MORN1: variants seen among roughly 807,000 people sequenced by gnomAD.
MORN1 encodes MORN repeat containing 1.
In MORN1, 67 loss-of-function variants were observed where a neutral mutation model predicts 61.9. That is an observed-to-expected ratio of 1.08 (90% CI 0.89 to 1.33). The LOEUF (loss-of-function observed/expected upper bound fraction) is 1.33. MORN1 is among the 40% of genes most tolerant of loss of function. The pLI is 0.00. For missense variants in MORN1, 752 were observed against 691.2 expected (o/e 1.09, Z -0.99); for synonymous variants, 301 against 292.0 (o/e 1.03, Z -0.31).
intron 10 of MORN1, among the ~76,000 whole-genome samples, chr1:2,339,172 G>C (rs559173323): frequency 1.6e-4 from 24 of 152,300 alleles, no homozygotes; most frequent in Admixed American, 7.8e-4. Context: ...AAAGCGGAAG[G>C]GGAGGGTCGT....
At chr1:2,329,945 C>T (rs1008251950) in intron 12 of MORN1, among the ~76,000 whole-genome samples, 6 of 152,162 alleles carry the variant, frequency 3.9e-5, no homozygotes, top group African/African-American at 9.7e-5. Context: ...CGGAGACCAG[C>T]GTGCCCAGGA....
At chr1:2,380,710 A>G (rs1427473913) in intron 6 of MORN1, among the ~76,000 whole-genome samples, 2 of 151,890 alleles carry the variant, frequency 1.3e-5, no homozygotes, top group Admixed American at 1.3e-4. Context: ...ATGCTTAGCT[A>G]ATTTTGTATT....
At chr1:2,390,643 A>G (rs1286796924) in intron 1 of MORN1, 1 of 985,412 alleles carries the variant, frequency 1.0e-6, no homozygotes, top group Non-Finnish European at 1.2e-6. Context: ...AGGCTACTGT[A>G]TCTGTCCCAA....
In MORN1 at chr1:2,358,850, G is replaced by C. The variant is rs537584939; in HGVS notation, c.746-135C>G. 2.9e-4 allele frequency: 306 copies of C among 1,070,468 alleles called. No homozygotes were observed. The African/African-American group carries it at 4.6e-3, about 16-fold the overall frequency. The allele number at this position is 1,070,468 out of a possible 1,614,324, so 66.3% of individuals were successfully genotyped here. The stretch of plus-strand genomic sequence containing the variant: ...ATTTGCCAGTGGCTGTGACCCTGGT[G>C]GGCTGAGGACCCCGGCTTGCCCTCC... On this transcript the variant is annotated intron_variant, in intron 8 of 13. Transcript: ENST00000378531.
chr1:2,370,463 C>T (rs1642090576), intron 8 of MORN1, among the ~76,000 whole-genome samples: 1 of 152,038 alleles, frequency 6.6e-6, no homozygotes, highest in South Asian at 2.1e-4. Context: ...CAAAACTATG[C>T]TCCATAAAAG....
chr1:2,380,405 A>G, intron 6 of MORN1, among the ~76,000 whole-genome samples: 1 of 152,212 alleles, frequency 6.6e-6, no homozygotes, highest in Middle Eastern at 3.2e-3. Context: ...TTTGGGGGCC[A>G]AGGCAGAAGC....
intron 10 of MORN1, among the ~76,000 whole-genome samples, chr1:2,345,829 C>CACACACA (rs1641501048): frequency 5.6e-4 from 84 of 149,104 alleles, no homozygotes; most frequent in African/African-American, 2.0e-3. Flanking sequence ...ATGTATGCGG[C>CACACACA]CACACACACA....
intron 12 of MORN1, among the ~76,000 whole-genome samples, chr1:2,327,421 GAC>G (rs1553206417): frequency 6.6e-6 from 1 of 150,422 alleles, no homozygotes; most frequent in African/African-American, 2.4e-5. Flanking sequence ...GAGACACAGA[GAC>G]ACAGAAACAC....
At chr1:2,344,473 C>T (rs1408215678) in intron 10 of MORN1, among the ~76,000 whole-genome samples, 1 of 152,248 alleles carries the variant, frequency 6.6e-6, no homozygotes, top group South Asian at 2.1e-4. Context: ...GCCTGGGGGA[C>T]GGGGTGTGGG....
intron 3 of MORN1, chr1:2,388,003 G>A (rs2100377951): frequency 2.0e-6 from 1 of 512,368 alleles, no homozygotes; most frequent in East Asian, 3.1e-5. Context: ...AAGAAATAGT[G>A]TAACTTGGGA....
At position 2,372,135 on chromosome 1, in the gene MORN1, TCCTAAAAAGGAAGGACAC is replaced by T. The variant is rs1642135838; in HGVS notation, c.745+328_745+345del. 4.1e-6 allele frequency: 1 copy of T among 241,622 alleles called. No homozygotes were observed. Among genetic ancestry groups the T allele is most frequent in the South Asian group, 5.2e-5 (1 of 19,200 alleles). The allele number at this position is 241,622 out of a possible 1,614,324, so 15.0% of individuals were successfully genotyped here. A position where few individuals can be genotyped will look rare whatever the true frequency, so the allele number is the denominator to read the frequency against. ...CCTCACTAGAATGGAAGACTGTTCC[TCCTAAAAAGGAAGGACAC>T]TCTGACACACGTGCACGCGTGCCCC... On this transcript the variant is annotated intron_variant, in intron 8 of 13. Coordinates refer to ENST00000378531, the MANE Select transcript of MORN1 (RefSeq NM_024848.3). The surrounding 1 kb of genome is among the most constrained non-coding windows in gnomAD (Gnocchi z 5.4).
chr1:2,361,214 A>C (rs6674705), intron 8 of MORN1, among the ~76,000 whole-genome samples: 8,240 of 152,316 alleles, frequency 0.054, 349 homozygotes, highest in Non-Finnish European at 0.075. Context: ...CATGGTGATC[A>C]TAACTGTATT....
At chr1:2,380,798 C>A (rs1363828545) in intron 6 of MORN1, among the ~76,000 whole-genome samples, 4 of 152,200 alleles carry the variant, frequency 2.6e-5, no homozygotes, top group Non-Finnish European at 5.9e-5. Flanking sequence ...TCAAGCAGTC[C>A]TCCCACCTCG....
At position 2,355,605 on chromosome 1, in the gene MORN1, T is replaced by A. The variant is rs1405921490; in HGVS notation, c.1036+1827A>T. The A allele has an allele frequency of 4.8e-6, 4 of 841,448 alleles. No homozygotes were observed. In the East Asian group the frequency reaches 8.1e-5, roughly 17 times the overall value. 52.1% of individuals were successfully genotyped at this position (841,448 alleles called of 1,614,324 possible). ...CCCAGGGCGGCCAGGGGCATTCCGCTGCCGCTTTCTCCCACTTCAGCCATG... is the reference window on the plus strand; with the variant it reads ...CCCAGGGCGGCCAGGGGCATTCCGCAGCCGCTTTCTCCCACTTCAGCCATG... On this transcript the variant is annotated intron_variant, in intron 10 of 13. Coordinates refer to ENST00000378531, the MANE Select transcript of MORN1 (RefSeq NM_024848.3).
At chr1:2,353,708 T>C (rs1399940011) in intron 10 of MORN1, among the ~76,000 whole-genome samples, 3 of 152,304 alleles carry the variant, frequency 2.0e-5, no homozygotes, top group African/African-American at 7.2e-5. Flanking sequence ...GCCTGAGGGC[T>C]GTGGTGGGGG....
chr1:2,378,878 C>A, intron 6 of MORN1: 1 of 453,376 alleles, frequency 2.2e-6, no homozygotes, highest in South Asian at 1.6e-5. Flanking sequence ...CCCAGGACCT[C>A]TGTGGCTTCC....
At chr1:2,326,958 C>T (rs1641038674) in intron 12 of MORN1, among the ~76,000 whole-genome samples, 1 of 152,216 alleles carries the variant, frequency 6.6e-6, no homozygotes, top group Non-Finnish European at 1.5e-5. Flanking sequence ...GTCGTCCCCA[C>T]AGACGCGCGC....
At chr1:2,343,541 G>A (rs931051790) in intron 10 of MORN1, among the ~76,000 whole-genome samples, 2 of 152,156 alleles carry the variant, frequency 1.3e-5, no homozygotes, top group Non-Finnish European at 2.9e-5. Flanking sequence ...GGGCCTGGGG[G>A]CCTGGCCAAG....
rs570398195 is a variant in MORN1, at chr1:2,330,398, G to A, written c.1250+6071C>T. ...TTTGTGGCAGACGAGGGAGGAACGGGTCGGTGTCCTTCGTCCTCTGGGCCT... is the reference window on the plus strand; with the variant it reads ...TTTGTGGCAGACGAGGGAGGAACGGATCGGTGTCCTTCGTCCTCTGGGCCT... On this transcript the variant is annotated intron_variant, in intron 12 of 13. Coordinates refer to ENST00000378531, the MANE Select transcript of MORN1 (RefSeq NM_024848.3). Among the ~76,000 whole-genome samples, 5 of 152,234 alleles carry A rather than the reference G, an allele frequency of 3.3e-5. No homozygotes were observed. The South Asian group carries it at 1.0e-3, about 31-fold the overall frequency.
Sources: gnomAD v4.1 joint callset for allele counts (sites outside exome capture counted in the v4.1 genomes callset) on GRCh38, gnomAD v4.1.1 for gene constraint, Gnocchi (gnomAD v3.1) non-coding constraint, MANE v1.5 for transcripts, NCBI Gene and HGNC (gene_info 2026-07-23, HGNC 2026-07-21) for gene names.